Variants in FBN3 observed in about 807,000 individuals in gnomAD.
FBN3 encodes the protein fibrillin 3, also known as fibrillin-3.
FBN3 carries 234 observed loss-of-function variants against 330.1 expected under a neutral mutation model. That is an observed-to-expected ratio of 0.71 (90% CI 0.64 to 0.79). The LOEUF is 0.79. Ranked by LOEUF, FBN3 falls within the 30% of genes least tolerant of loss-of-function variation. The pLI is 0.00. For missense variants in FBN3, 3,606 were observed against 3,886.9 expected (o/e 0.93, Z 1.92); for synonymous variants, 1,458 against 1,517.3 (o/e 0.96, Z 0.91).
At chr19:8,110,401 A>G (rs1243225402) in intron 34 of FBN3, among the ~76,000 whole-genome samples, 1 of 152,140 alleles carries the variant, frequency 6.6e-6, no homozygotes, top group African/African-American at 2.4e-5. Context: ...TGGGTTAGCA[A>G]ATTCCAACCT....
rs866476064 is a variant in FBN3, at chr19:8,091,996, A to G, written c.5906-406T>C. On this transcript the variant is annotated intron_variant, in intron 47 of 63. Coordinates refer to ENST00000600128, the MANE Select transcript of FBN3 (RefSeq NM_032447.5). Reference sequence around the variant, plus strand: ...GGAGATTGAGACTATCCTGGCTAACATGGTGAAACCATCTACTAACAATAC... The same window carrying G: ...GGAGATTGAGACTATCCTGGCTAACGTGGTGAAACCATCTACTAACAATAC... 1.6e-4 allele frequency among the ~76,000 whole-genome samples: 24 copies of G among 152,144 alleles called. 1 individual carries two copies. The Middle Eastern group carries it at 0.014, about 87-fold the overall frequency.
chr19:8,108,865 G>T (rs1599361102), intron 36 of FBN3, among the ~76,000 whole-genome samples: 1 of 152,274 alleles, frequency 6.6e-6, no homozygotes, highest in Admixed American at 6.5e-5. Context: ...TACTCTCACA[G>T]TCCTGAAACT....
At chr19:8,139,842 A>G (rs1481040278) in intron 8 of FBN3, among the ~76,000 whole-genome samples, 1 of 147,554 alleles carries the variant, frequency 6.8e-6, no homozygotes, top group Non-Finnish European at 1.5e-5. Context: ...AGTTTAAAAA[A>G]CTCCTCCCAG....
chr19:8,135,945 C>CCCCCACA lies in FBN3; in HGVS notation c.1591+15_1591+16insTGTGGGG. On this transcript the variant is annotated intron_variant, in intron 13 of 63. Coordinates refer to ENST00000600128, the MANE Select transcript of FBN3 (RefSeq NM_032447.5). ...GGGCCCGGAAGCCCCTGCCCACCCGCCCACCCCCAACTCACCCACACAGTT... is the reference window on the plus strand; with the variant it reads ...GGGCCCGGAAGCCCCTGCCCACCCGCCCCCACACCACCCCCAACTCACCCACACAGTT... 2.0e-6 allele frequency: 1 copy of CCCCCACA among 488,816 alleles called. No homozygotes were observed. The highest frequency in any genetic ancestry group is 4.0e-6 in the Non-Finnish European group (1 of 249,008). The allele number at this position is 488,816 out of a possible 1,614,324, so 30.3% of individuals were successfully genotyped here.
chr19:8,121,451 G>A lies in FBN3; in HGVS notation c.3083-65C>T. 9 of 1,466,624 alleles carry A rather than the reference G, an allele frequency of 6.1e-6. No homozygotes were observed. Among genetic ancestry groups the A allele is most frequent in the South Asian group, 2.7e-5 (2 of 72,766 alleles). 90.9% of individuals were successfully genotyped at this position (1,466,624 alleles called of 1,614,324 possible). On this transcript the variant is annotated intron_variant, in intron 24 of 63. Coordinates refer to ENST00000600128, the MANE Select transcript of FBN3 (RefSeq NM_032447.5). The surrounding 1 kb of genome is among the most constrained non-coding windows in gnomAD (Gnocchi z 4.5). Reference sequence around the variant, plus strand: ...GCCGCATCATGGGGCACGAGGCAGGGGGGTCCCTGTCCTTTGATGGAGGTG... The same window carrying A: ...GCCGCATCATGGGGCACGAGGCAGGAGGGTCCCTGTCCTTTGATGGAGGTG...
Position 8,121,374 on chromosome 19 carries a change from C to T in FBN3, c.3095G>A (p.Cys1032Tyr). ...GCCGCAGAGGTCAGGAGAGATGCGACACTCGTCGATATCTGTGGGGAGAGG... is the reference window on the plus strand; with the variant it reads ...GCCGCAGAGGTCAGGAGAGATGCGATACTCGTCGATATCTGTGGGGAGAGG... ...QERNCTDIDECRISPDLCGQG... is the reference protein window; with the variant it reads ...QERNCTDIDEYRISPDLCGQG... Residue 1032 changes from cysteine (C) to tyrosine (Y), a missense_variant, in exon 25 of 64, where the codon TGT becomes TAT. Physicochemically the swap from Cys to Tyr is radical, Grantham distance 194. Coordinates refer to ENST00000600128, the MANE Select transcript of FBN3 (RefSeq NM_032447.5). The surrounding 1 kb of genome is among the most constrained non-coding windows in gnomAD (Gnocchi z 4.5). The T allele has an allele frequency of 6.2e-7, 1 of 1,603,416 alleles. No individual in the cohort carries two copies. The highest frequency in any genetic ancestry group is 8.5e-7 in the Non-Finnish European group (1 of 1,175,700).
intron 13 of FBN3, 26 bp downstream of exon 13, chr19:8,135,935 T>A: frequency 3.0e-6 from 4 of 1,344,156 alleles, no homozygotes; most frequent in Non-Finnish European, 4.0e-6. Context: ...CGGAAGCCCC[T>A]GCCCACCCGC....
rs145181598 is a variant in FBN3 at position 8,091,583 on chromosome 19, G to A, written c.5913C>T (p.Asp1971=). 63 of 1,614,068 alleles carry A rather than the reference G, an allele frequency of 3.9e-5. No homozygotes were observed. Among genetic ancestry groups the A allele is most frequent in the African/African-American group, 2.4e-4 (18 of 75,018 alleles). ...QVQSDHCIDI[D]ECSEEPNLCL... Reference sequence around the variant, plus strand: ...AGAGGTTGGGCTCCTCTGAGCACTCGTCGATATCTGGAAGGGCAGGGACAT... The same window carrying A: ...AGAGGTTGGGCTCCTCTGAGCACTCATCGATATCTGGAAGGGCAGGGACAT... The change falls in exon 48 of 64, where the codon GAC becomes GAT. Residue 1971 remains aspartate (D), a synonymous_variant. Transcript: ENST00000600128.
intron 40 of FBN3, among the ~76,000 whole-genome samples, chr19:8,102,267 C>T (rs946402456): frequency 3.3e-5 from 5 of 150,772 alleles, no homozygotes; most frequent in East Asian, 1.9e-4. Flanking sequence ...CAGGCTGGAG[C>T]GCAGTGGCAT....
Position 8,073,110 on chromosome 19 carries a change from A to G in FBN3, c.7890T>C (p.Gly2630=). 6.2e-7 allele frequency: 1 copy of G among 1,613,548 alleles called. No homozygotes were observed. The stretch of plus-strand genomic sequence containing the variant: ...CTTGAGGACAGCCGCACAGGAAGCC[A>G]CCAGGCGTGTTGGCACAGCTGTAGC... ...PCSYSCANTP[G]GFLCGCPQGY... Residue 2630 remains glycine (G), a synonymous_variant, in exon 62 of 64, where the codon GGT becomes GGC. Coordinates refer to ENST00000600128, the MANE Select transcript of FBN3 (RefSeq NM_032447.5).
intron 29 of FBN3, 143 bp from the exon 30 acceptor site, chr19:8,115,783 T>C (rs955184551): frequency 1.0e-6 from 1 of 952,902 alleles, no homozygotes; most frequent in Non-Finnish European, 1.6e-6. Context: ...CTTTCTTTTC[T>C]CCAGGGGCGG....
intron 59 of FBN3, among the ~76,000 whole-genome samples, chr19:8,076,881 C>T (rs1274275290): frequency 6.6e-6 from 1 of 152,110 alleles, no homozygotes; most frequent in Non-Finnish European, 1.5e-5. Context: ...CCTACCTCAG[C>T]CTCCTGGGTA....
At chr19:8,074,943 G>A (rs2081604792) in intron 61 of FBN3, 128 bp downstream of exon 61, 3 of 1,295,972 alleles carry the variant, frequency 2.3e-6, no homozygotes, top group East Asian at 2.4e-5. Flanking sequence ...ACTACCTTCT[G>A]GGCTGGCCTG....
intron 18 of FBN3, 83 bp from the exon 19 acceptor site, chr19:8,126,915 G>A (rs2083003759): frequency 7.5e-6 from 11 of 1,469,522 alleles, no homozygotes; most frequent in African/African-American, 1.4e-5. Flanking sequence ...CCAAGGGGCC[G>A]CCGCAACCGG....
chr19:8,109,125 T>C lies in FBN3; in HGVS notation c.4618+102A>G. 4.3e-6 allele frequency: 5 copies of C among 1,156,750 alleles called. 1 individual carries two copies. In the South Asian group the frequency reaches 6.1e-5, roughly 14 times the overall value. The allele number at this position is 1,156,750 out of a possible 1,614,324, so 71.7% of individuals were successfully genotyped here. The stretch of plus-strand genomic sequence containing the variant: ...CCTCCCCCAGTTCTTGGTTTTCCTG[T>C]CGCCTAAGCCCCCCACCACCGCCAT... On this transcript the variant is annotated intron_variant, in intron 36 of 63. Coordinates refer to ENST00000600128, the MANE Select transcript of FBN3 (RefSeq NM_032447.5). The surrounding 1 kb of genome is among the most constrained non-coding windows in gnomAD (Gnocchi z 5.2).
intron 13 of FBN3, 25 bp downstream of exon 13, chr19:8,135,936 G>GGTCCCCCCCCCC: frequency 1.5e-6 from 1 of 668,778 alleles, no homozygotes; most frequent in Middle Eastern, 4.8e-4. Context: ...GGAAGCCCCT[G>GGTCCCCCCCCCC]CCCACCCGCC....
intron 39 of FBN3, 106 bp downstream of exon 39, chr19:8,103,456 T>C (rs3865464): frequency 1.7e-6 from 2 of 1,197,100 alleles, no homozygotes; most frequent in Admixed American, 4.4e-5. Context: ...GCACTTCATA[T>C]ATGCTTACCC....
At position 8,142,127 on chromosome 19, in the gene FBN3, C is replaced by G. The variant is rs199969660; in HGVS notation, c.552G>C (p.Thr184=). Residue 184 remains threonine (T), a synonymous_variant, in exon 7 of 64, where the codon ACG becomes ACC. Transcript: ENST00000600128. ...GGCCTACTTGGCCAAAGCAGGGTCC[C>G]GTCCGGTAATCTGCAGGGCAGACAG... ...MGPQCERDYR[T]GPCFGQVGPE... is the part of the protein sequence containing the mutation. The G allele has an allele frequency of 4.4e-6, 7 of 1,608,454 alleles. No homozygotes were observed. The highest frequency in any genetic ancestry group is 5.1e-6 in the Non-Finnish European group (6 of 1,177,614).
rs375842479 is a variant in FBN3, at chr19:8,102,822, T to C, written c.4991A>G (p.Glu1664Gly). ...FRHYNGTCQN[E>G]LAFNVTRKMC... ...TTTCCGGGTCACGTTGAAGGCCAGC[T>C]CATTTTGACATGTGCCGTTATAGTG... The change falls in exon 40 of 64, where the codon GAG becomes GGG. Residue 1664 changes from glutamate to glycine, a missense_variant. By Grantham distance (98) the Glu-to-Gly change is moderately conservative. Transcript: ENST00000600128. 2.5e-5 allele frequency: 40 copies of C among 1,613,956 alleles called. No individual in the cohort carries two copies. The highest frequency in any genetic ancestry group is 3.1e-5 in the Non-Finnish European group (37 of 1,180,008).
Sources: allele counts gnomAD v4.1 joint callset (sites outside exome capture counted in the v4.1 genomes callset), GRCh38; gene constraint gnomAD v4.1.1; non-coding constraint Gnocchi (gnomAD v3.1); transcripts MANE v1.5; gene names NCBI Gene and HGNC (gene_info 2026-07-23, HGNC 2026-07-21).